MYO15A: variants seen among roughly 807,000 people sequenced by gnomAD.
The protein encoded by MYO15A is myosin XVA, also known as unconventional myosin-XV.
In MYO15A, 308 loss-of-function variants were observed where a neutral mutation model predicts 394.6. The observed-to-expected ratio is 0.78, with a 90% CI of 0.71 to 0.86. The LOEUF is 0.86. Ranked by LOEUF, MYO15A falls within the 40% of genes least tolerant of loss-of-function variation. The pLI is 0.00. For missense variants in MYO15A, 4,606 were observed against 4,799.1 expected, an observed-to-expected ratio of 0.96 and a Z score of 1.19; for synonymous variants, 1,957 against 2,003.8, an observed-to-expected ratio of 0.98 and a Z score of 0.62.
chr17:18,120,543 G>A lies in MYO15A; in HGVS notation c.1743G>A (p.Ser581=), dbSNP rs1454939553. 1.9e-6 allele frequency: 3 copies of A among 1,596,480 alleles called. No individual in the cohort carries two copies. The highest frequency in any genetic ancestry group is 1.7e-6 in the Non-Finnish European group (2 of 1,174,008). ...SLARFLKKTL[S]EKKPIARLRG... ...CGCGGTTCCTCAAGAAGACGCTGTC[G>A]GAGAAGAAGCCCATCGCGCGGCTCA... Residue 581 remains serine (S), a synonymous_variant, in exon 2 of 66, where the codon TCG becomes TCA. Coordinates refer to ENST00000647165, the MANE Select transcript of MYO15A (RefSeq NM_016239.4).
chr17:18,166,555 C>A lies in MYO15A; in HGVS notation c.9948+34C>A, dbSNP rs758543889. 5.0e-6 allele frequency: 8 copies of A among 1,607,774 alleles called. No homozygotes were observed. In the South Asian group the frequency reaches 8.8e-5, roughly 18 times the overall value. On this transcript the variant is annotated intron_variant, in intron 61 of 65. Transcript: ENST00000647165. Reference sequence around the variant, plus strand: ...ACGTAGGCTTCTCTGGACTCTGGGACCTTCTAGGCTCCCCTGGGCCTGTGA... The same window carrying A: ...ACGTAGGCTTCTCTGGACTCTGGGAACTTCTAGGCTCCCCTGGGCCTGTGA...
chr17:18,169,146 AATAATAATAAT>A lies in MYO15A; in HGVS notation c.10082+1425_10082+1435del, dbSNP rs1597822428. Among the ~76,000 whole-genome samples the A allele has an allele frequency of 8.6e-5, 12 of 139,596 alleles. 1 individual carries two copies. In the East Asian group the frequency reaches 2.0e-3, roughly 24 times the overall value. 91.6% of individuals were successfully genotyped at this position (139,596 alleles called of 152,430 possible). ...TAATAATAATAATAATAATAATAATAATAATAATAATAAAAATAGGCTGGGCACAGTGGCTC... is the reference window on the plus strand; with the variant it reads ...TAATAATAATAATAATAATAATAATAAAAAATAGGCTGGGCACAGTGGCTC... On this transcript the variant is annotated intron_variant, in intron 62 of 65. Transcript: ENST00000647165.
Position 18,132,050 on chromosome 17 carries a change from C to T in MYO15A, c.4207-403C>T, listed in dbSNP as rs536290045. On this transcript the variant is annotated intron_variant, in intron 10 of 65. Transcript: ENST00000647165. The surrounding 1 kb of genome is among the most constrained non-coding windows in gnomAD (Gnocchi z 4.6). The stretch of plus-strand genomic sequence containing the variant: ...GTCAGGGGCTTCTCTCTACGTTGTT[C>T]CCCACTATGTCCCAAGGGCCTAGGA... Among the ~76,000 whole-genome samples, 2 of 152,298 alleles carry T rather than the reference C, an allele frequency of 1.3e-5. No homozygotes were observed. The highest frequency in any genetic ancestry group is 4.8e-5 in the African/African-American group (2 of 41,558).
In MYO15A at chr17:18,163,605, G is replaced by A; in HGVS notation, c.9691-137G>A. The A allele has an allele frequency of 4.8e-6, 4 of 826,442 alleles. No homozygotes were observed. In the Admixed American group the frequency reaches 6.2e-5, roughly 13 times the overall value. The allele number at this position is 826,442 out of a possible 1,614,324, so 51.2% of individuals were successfully genotyped here. A position where few individuals can be genotyped will look rare whatever the true frequency, so the allele number is the denominator to read the frequency against. On this transcript the variant is annotated intron_variant, in intron 59 of 65. Transcript: ENST00000647165. ...TTTCCCTGCCTGAGGCTGATTCTCA[G>A]AGACCTCAGAGGATTGTGCGCCTTT...
chr17:18,137,350 C>A (rs2142322419), intron 15 of MYO15A, among the ~76,000 whole-genome samples: 1 of 152,334 alleles, frequency 6.6e-6, no homozygotes, highest in African/African-American at 2.4e-5. Context: ...AATGGCAGAG[C>A]CAGCATTTGA....
In MYO15A at chr17:18,150,887, G is replaced by A; in HGVS notation, c.7447G>A (p.Ala2483Thr). Residue 2483 changes from alanine to threonine, a missense_variant, in exon 38 of 66, where the codon GCT (alanine) becomes ACT (threonine). Ala to Thr is a moderately conservative substitution (Grantham distance 58). Transcript: ENST00000647165. This position sits in a 1 kb window ranked among gnomAD's most constrained non-coding sequence, Gnocchi z 4.4. The part of the protein sequence containing the change: ...ATALQQQPLS[A>T]ALRSLPAEKP... ...GGCACTCCAGCAGCAGCCCCTGAGTGCTGCCCTGAGATCCTTGCCCGCAGA... is the reference window on the plus strand; with the variant it reads ...GGCACTCCAGCAGCAGCCCCTGAGTACTGCCCTGAGATCCTTGCCCGCAGA... 1 of 1,599,474 alleles carries A rather than the reference G, an allele frequency of 6.3e-7. No individual in the cohort carries two copies. The highest frequency in any genetic ancestry group is 1.1e-5 in the South Asian group (1 of 89,258).
chr17:18,117,163 G>A lies in MYO15A; in HGVS notation c.-219-1419G>A, dbSNP rs979924274. On this transcript the variant is annotated intron_variant, in intron 1 of 65. Transcript: ENST00000647165. This position sits in a 1 kb window ranked among gnomAD's most constrained non-coding sequence, Gnocchi z 4.1. ...AGACTGCCTGCACCAGGCACCAACAGCCCCTGGTGCAACTCCTCTGAGTGG... is the reference window on the plus strand; with the variant it reads ...AGACTGCCTGCACCAGGCACCAACAACCCCTGGTGCAACTCCTCTGAGTGG... Among the ~76,000 whole-genome samples, 3 of 152,170 alleles carry A rather than the reference G, an allele frequency of 2.0e-5. No individual in the cohort carries two copies. The highest frequency in any genetic ancestry group is 1.3e-4 in the Admixed American group (2 of 15,284).
chr17:18,121,415 GGCGGCGCCTCA>G lies in MYO15A; in HGVS notation c.2619_2629del (p.Arg874AlafsTer102), dbSNP rs2142256179. ...CTGCCCTCGCGCCTCCCGCACACGT[GGCGGCGCCTCA>G]GCGAGCCACCCACTCGGGCTGTGAA... On this transcript the variant is annotated frameshift_variant, in exon 2 of 66. Coordinates refer to ENST00000647165, the MANE Select transcript of MYO15A (RefSeq NM_016239.4). LOFTEE classifies it high-confidence loss of function. This position sits in a 1 kb window ranked among gnomAD's most constrained non-coding sequence, Gnocchi z 5.3. 1 of 1,542,140 alleles carries G rather than the reference GGCGGCGCCTCA, an allele frequency of 6.5e-7. No individual in the cohort carries two copies. Among genetic ancestry groups the G allele is most frequent in the Non-Finnish European group, 8.7e-7 (1 of 1,145,832 alleles).
At position 18,120,976 on chromosome 17, in the gene MYO15A, G is replaced by T. The variant is rs1210905685; in HGVS notation, c.2176G>T (p.Ala726Ser). The T allele has an allele frequency of 6.7e-7, 1 of 1,497,714 alleles. No homozygotes were observed. The allele number at this position is 1,497,714 out of a possible 1,614,324, so 92.8% of individuals were successfully genotyped here. A position where few individuals can be genotyped will look rare whatever the true frequency, so the allele number is the denominator to read the frequency against. The change falls in exon 2 of 66, where the codon GCC becomes TCC. Residue 726 changes from alanine to serine, a missense_variant. Around this residue, in one of 2 missense-constraint regions of MYO15A, gnomAD observed 1,830 missense variants for 1,689.7 expected, o/e 1.08. Transcript: ENST00000647165. The part of the protein sequence containing the change: ...ASWWAFVEPP[A>S]VSPEVPPDLL... ...CTGGTGGGCCTTCGTGGAGCCCCCT[G>T]CCGTGAGCCCGGAGGTGCCCCCCGA... is the stretch of plus-strand genomic sequence containing the variant.
At position 18,113,826 on chromosome 17, in the gene MYO15A, ACACACACACACACACT is replaced by A. The variant is rs1450363640; in HGVS notation, c.-219-4754_-219-4739del. Reference sequence around the variant, plus strand: ...CACACACACACACACACACACACACACACACACACACACACTCTTCCTACAGAAAGGCCTCAGTAAA... The same window carrying A: ...CACACACACACACACACACACACACACTTCCTACAGAAAGGCCTCAGTAAA... On this transcript the variant is annotated intron_variant, in intron 1 of 65. Transcript: ENST00000647165. 4.5e-4 allele frequency among the ~76,000 whole-genome samples: 51 copies of A among 114,210 alleles called. 1 individual carries two copies. Among genetic ancestry groups the A allele is most frequent in the Admixed American group, 9.8e-4 (11 of 11,226 alleles). 74.9% of individuals were successfully genotyped at this position (114,210 alleles called of 152,430 possible).
intron 2 of MYO15A, chr17:18,122,987 C>T (rs1332121855): frequency 6.5e-6 from 1 of 154,138 alleles, no homozygotes; most frequent in Non-Finnish European, 1.4e-5. Flanking sequence ...AGAGGGAAAA[C>T]TGAACCAGGA....
rs1192128469 is a variant in MYO15A at position 18,121,076 on chromosome 17, G to C, written c.2276G>C (p.Gly759Ala). The C allele has an allele frequency of 2.7e-6, 4 of 1,506,362 alleles. No homozygotes were observed. The highest frequency in any genetic ancestry group is 3.5e-6 in the Non-Finnish European group (4 of 1,132,242). The allele number at this position is 1,506,362 out of a possible 1,614,324, so 93.3% of individuals were successfully genotyped here. A position where few individuals can be genotyped will look rare whatever the true frequency, so the allele number is the denominator to read the frequency against. ...AGAGGGGCGGCTTTCGGCTTCCCCG[G>C]GGCCTCTCCACGGGCGTCGCGGAGG... ...RRRGAAFGFP[G>A]ASPRASRRRA... Residue 759 changes from glycine to alanine, a missense_variant, in exon 2 of 66, where the codon GGG (glycine) becomes GCG (alanine). Physicochemically the swap from Gly to Ala is moderately conservative, Grantham distance 60 (BLOSUM62 0). Coordinates refer to ENST00000647165, the MANE Select transcript of MYO15A (RefSeq NM_016239.4). The surrounding 1 kb of genome is among the most constrained non-coding windows in gnomAD (Gnocchi z 5.3).
chr17:18,141,383 A>C (rs2046377324), intron 22 of MYO15A, among the ~76,000 whole-genome samples: 2 of 152,270 alleles, frequency 1.3e-5, no homozygotes, highest in South Asian at 4.1e-4. Flanking sequence ...CGTTATTAGA[A>C]TGGTTTTAGT....
At position 18,147,230 on chromosome 17, in the gene MYO15A, T is replaced by C. The variant is rs1178854706; in HGVS notation, c.6510-799T>C. 1.3e-5 allele frequency among the ~76,000 whole-genome samples: 2 copies of C among 152,216 alleles called. No individual in the cohort carries two copies. The highest frequency in any genetic ancestry group is 2.9e-5 in the Non-Finnish European group (2 of 68,022). On this transcript the variant is annotated intron_variant, in intron 30 of 65. Coordinates refer to ENST00000647165, the MANE Select transcript of MYO15A (RefSeq NM_016239.4). The surrounding 1 kb of genome is among the most constrained non-coding windows in gnomAD (Gnocchi z 4.4). ...TTTGGGGATGGCAACAGAACCCACC[T>C]AACAGGGTGGCTGTGAGTTAGAGTA...
chr17:18,162,669 G>A lies in MYO15A; in HGVS notation c.9602G>A (p.Arg3201Gln), dbSNP rs757095519. ...GAGCTCCCCAGCAGCATAGAGCTTC[G>A]GGCCATGTTGGTGAGCATAGGGTGG... Reference protein sequence around the residue: ...RLELPSSIELRAMLAGRSSKR... With the variant: ...RLELPSSIELQAMLAGRSSKR... The change falls in exon 58 of 66, where the codon CGG becomes CAG. Residue 3201 changes from arginine to glutamine, a missense_variant. Arg to Gln is a conservative substitution (Grantham distance 43). Around this residue, in one of 2 missense-constraint regions of MYO15A, gnomAD observed 2,776 missense variants for 3,109.3 expected, o/e 0.89. Transcript: ENST00000647165. 7.2e-5 allele frequency: 116 copies of A among 1,613,808 alleles called. No individual in the cohort carries two copies. Among genetic ancestry groups the A allele is most frequent in the East Asian group, 2.7e-4 (12 of 44,884 alleles).
At position 18,120,718 on chromosome 17, in the gene MYO15A, G is replaced by A. The variant is rs1486776876; in HGVS notation, c.1918G>A (p.Asp640Asn). Residue 640 changes from aspartate (D) to asparagine (N), a missense_variant, in exon 2 of 66, where the codon GAC becomes AAC. Around this residue, in one of 2 missense-constraint regions of MYO15A, gnomAD observed 1,830 missense variants for 1,689.7 expected, o/e 1.08. Coordinates refer to ENST00000647165, the MANE Select transcript of MYO15A (RefSeq NM_016239.4). ...RAQPRARSSN[D>N]ARRPPAPQPA... is the part of the protein sequence containing the mutation. ...CCAGCCACGCGCTCGCAGCAGCAAC[G>A]ACGCGCGCCGCCCGCCCGCGCCACA... 12 of 1,495,100 alleles carry A rather than the reference G, an allele frequency of 8.0e-6. No homozygotes were observed. Among genetic ancestry groups the A allele is most frequent in the East Asian group, 2.7e-5 (1 of 37,198 alleles). 92.6% of individuals were successfully genotyped at this position (1,495,100 alleles called of 1,614,324 possible). A position where few individuals can be genotyped will look rare whatever the true frequency, so the allele number is the denominator to read the frequency against.
intron 64 of MYO15A, chr17:18,173,548 A>G (rs2046971772): frequency 5.0e-6 from 3 of 603,986 alleles, no homozygotes; most frequent in Admixed American, 4.8e-5. Context: ...TGCCTGGTAC[A>G]TGATAGATGC....
intron 30 of MYO15A, among the ~76,000 whole-genome samples, chr17:18,146,930 T>TA (rs536839725): frequency 9.9e-4 from 150 of 151,284 alleles, no homozygotes; most frequent in Middle Eastern, 3.4e-3. Context: ...TGTCTGATGT[T>TA]AAAAAAAAAT....
At chr17:18,149,608 G>T in intron 35 of MYO15A, 28 bp downstream of exon 35, 2 of 1,606,058 alleles carry the variant, frequency 1.2e-6, no homozygotes, top group Non-Finnish European at 1.7e-6. Flanking sequence ...TGGGTCATTT[G>T]CAGACAGCAG....
Sources: allele counts gnomAD v4.1 joint callset (sites outside exome capture counted in the v4.1 genomes callset), GRCh38; gene constraint gnomAD v4.1.1; regional missense constraint gnomAD v4.1.1; non-coding constraint Gnocchi (gnomAD v3.1); transcripts MANE v1.5; gene names NCBI Gene and HGNC (gene_info 2026-07-23, HGNC 2026-07-21).